Variants in AP1S3 observed in about 807,000 individuals in gnomAD.
The protein encoded by AP1S3 is adaptor related protein complex 1 subunit sigma 3, also known as AP-1 complex subunit sigma-3.
Under a neutral mutation model 20.9 loss-of-function variants are expected in AP1S3, and 10 were observed. The observed-to-expected ratio is 0.48, with a 90% CI of 0.29 to 0.81. The LOEUF (loss-of-function observed/expected upper bound fraction) is 0.81, where lower values mean the gene tolerates loss of function less well. Among genes scored for constraint, AP1S3 ranks in the 30% least tolerant of loss-of-function variants. AP1S3 has a pLI of 0.08. For synonymous variants in AP1S3, 41 were observed against 61.5 expected (o/e 0.67, Z 1.56); for missense variants, 154 against 183.8 (o/e 0.84, Z 0.94).
At chr2:223,813,623 C>G (rs1280080597) in intron 1 of AP1S3, among the ~76,000 whole-genome samples, 1 of 152,202 alleles carries the variant, frequency 6.6e-6, no homozygotes, top group Non-Finnish European at 1.5e-5. Context: ...AACTATAGCC[C>G]TGTTTGGAGA....
chr2:223,759,204 G>A (rs773012718), intron 4 of AP1S3, among the ~76,000 whole-genome samples: 4 of 151,918 alleles, frequency 2.6e-5, no homozygotes, highest in African/African-American at 4.8e-5. Context: ...TGCTTGAACC[G>A]GGAGGCGGAG....
At chr2:223,812,040 C>T (rs796265974) in intron 1 of AP1S3, among the ~76,000 whole-genome samples, 17 of 152,298 alleles carry the variant, frequency 1.1e-4, no homozygotes, top group African/African-American at 4.1e-4. Flanking sequence ...CAATGATAAC[C>T]ATATATTCTT....
intron 1 of AP1S3, among the ~76,000 whole-genome samples, chr2:223,779,752 G>C (rs1690877944): frequency 6.6e-6 from 1 of 152,120 alleles, no homozygotes; most frequent in African/African-American, 2.4e-5. Context: ...TGGATCACCT[G>C]AGGTCAGGAG....
intron 4 of AP1S3, among the ~76,000 whole-genome samples, chr2:223,764,039 C>T (rs1176584520): frequency 6.6e-6 from 1 of 152,156 alleles, no homozygotes; most frequent in African/African-American, 2.4e-5. Context: ...CTGCCTCAGC[C>T]TCCCAAGTAG....
intron 1 of AP1S3, among the ~76,000 whole-genome samples, chr2:223,806,847 G>T (rs934587512): frequency 6.6e-6 from 1 of 152,020 alleles, no homozygotes; most frequent in Non-Finnish European, 1.5e-5. Context: ...AAACAACATT[G>T]CAATGGCTCT....
At chr2:223,818,475 C>G (rs755341938) in intron 1 of AP1S3, among the ~76,000 whole-genome samples, 4 of 151,678 alleles carry the variant, frequency 2.6e-5, no homozygotes, top group Admixed American at 6.6e-5. Context: ...AAAGGAGTGT[C>G]TGTAGGCATC....
At chr2:223,780,341 A>AGTGTGT (rs1690906890) in intron 1 of AP1S3, among the ~76,000 whole-genome samples, 1 of 121,790 alleles carries the variant, frequency 8.2e-6, no homozygotes, top group East Asian at 2.6e-4. Flanking sequence ...AGAGAGAGAG[A>AGTGTGT]GAGAGAGAGA....
intron 1 of AP1S3, among the ~76,000 whole-genome samples, chr2:223,781,473 C>T (rs1690944860): frequency 6.6e-6 from 1 of 151,848 alleles, no homozygotes. Context: ...TGGTGGCTCA[C>T]GCTTGTAATC....
intron 1 of AP1S3, among the ~76,000 whole-genome samples, chr2:223,802,636 G>A (rs1235990623): frequency 6.6e-6 from 1 of 151,938 alleles, no homozygotes; most frequent in Non-Finnish European, 1.5e-5. Context: ...ACAAATCACC[G>A]CACAAATCCC....
At chr2:223,807,859 T>C (rs1316172595) in intron 1 of AP1S3, among the ~76,000 whole-genome samples, 1 of 138,996 alleles carries the variant, frequency 7.2e-6, no homozygotes, top group African/African-American at 2.7e-5. Context: ...GTCTCAGGCA[T>C]TTCTTTTCTT....
intron 1 of AP1S3, among the ~76,000 whole-genome samples, chr2:223,802,140 T>C (rs186466386): frequency 2.0e-5 from 3 of 152,244 alleles, no homozygotes; most frequent in African/African-American, 7.2e-5. Flanking sequence ...GGAGGAGCCA[T>C]TACTTCCTTT....
intron 1 of AP1S3, among the ~76,000 whole-genome samples, chr2:223,817,059 A>C (rs1010391348): frequency 1.3e-5 from 2 of 152,170 alleles, no homozygotes; most frequent in Admixed American, 1.3e-4. Flanking sequence ...TGGGAGACGG[A>C]GGTTGCAGTG....
Position 223,765,208 on chromosome 2 carries a change from C to T in AP1S3, c.429+5G>A. 6.2e-7 allele frequency: 1 copy of T among 1,612,362 alleles called. No homozygotes were observed. Among genetic ancestry groups the T allele is most frequent in the Non-Finnish European group, 8.5e-7 (1 of 1,179,730 alleles). ...TTCTCCCATGGTTTGGGAAACCGTA[C>T]TGACCTCCTGTAACATATCAGAGTC... On this transcript the variant is annotated splice_donor_5th_base_variant and intron_variant, in intron 4 of 4. Coordinates refer to ENST00000396654, the MANE Select transcript of AP1S3 (RefSeq NM_001039569.2).
intron 1 of AP1S3, 90 bp from the exon 2 acceptor site, chr2:223,777,959 C>A: frequency 8.5e-7 from 1 of 1,176,906 alleles, no homozygotes; most frequent in Non-Finnish European, 1.2e-6. Context: ...TGGATTTACA[C>A]AGAAAGATAA....
chr2:223,779,734 G>A (rs75039451), intron 1 of AP1S3, among the ~76,000 whole-genome samples: 3,568 of 152,234 alleles, frequency 0.023, 110 homozygotes, highest in East Asian at 0.17. Flanking sequence ...TTGGGAGGCC[G>A]AGGTGGGTGG....
intron 1 of AP1S3, among the ~76,000 whole-genome samples, chr2:223,780,347 A>T (rs1404341788): frequency 0.044 from 3,902 of 88,136 alleles, 128 homozygotes; most frequent in African/African-American, 0.055. Flanking sequence ...AGAGAGAGAG[A>T]GAGAGAGAGA....
At chr2:223,807,156 A>C (rs955913415) in intron 1 of AP1S3, among the ~76,000 whole-genome samples, 2 of 152,110 alleles carry the variant, frequency 1.3e-5, no homozygotes, top group Non-Finnish European at 2.9e-5. Context: ...AGTCCCAGCT[A>C]CTCAGGAGGC....
At chr2:223,783,682 T>C (rs1156378130) in intron 1 of AP1S3, among the ~76,000 whole-genome samples, 1 of 152,178 alleles carries the variant, frequency 6.6e-6, no homozygotes, top group Non-Finnish European at 1.5e-5. Flanking sequence ...CACATCTCCC[T>C]GCTCTTGACC....
intron 3 of AP1S3, among the ~76,000 whole-genome samples, chr2:223,766,629 T>C (rs191310116): frequency 2.6e-5 from 4 of 152,318 alleles, no homozygotes; most frequent in South Asian, 2.1e-4. Flanking sequence ...AGTTCAACCA[T>C]TGTGGAAGAC....
Sources: gnomAD v4.1 joint callset for allele counts (sites outside exome capture counted in the v4.1 genomes callset) on GRCh38, gnomAD v4.1.1 for gene constraint, MANE v1.5 for transcripts, NCBI Gene and HGNC (gene_info 2026-07-23, HGNC 2026-07-21) for gene names.